The following POLH variants were observed in gnomAD, a reference collection of about 807,000 sequenced individuals.
POLH encodes DNA polymerase eta transcript.
POLH carries 53 observed loss-of-function variants against 73.6 expected under a neutral mutation model. The observed-to-expected ratio is 0.72, with a 90% CI of 0.58 to 0.91. The LOEUF (loss-of-function observed/expected upper bound fraction) is 0.91. Ranked by LOEUF, POLH falls within the 40% of genes least tolerant of loss-of-function variation. POLH has a pLI of 0.00. For missense variants in POLH, 768 were observed against 865.4 expected (o/e 0.89, Z 1.41); for synonymous variants, 292 against 308.5 (o/e 0.95, Z 0.56).
At chr6:43,578,637 T>C (rs1763668074) in intron 1 of POLH, among the ~76,000 whole-genome samples, 2 of 152,176 alleles carry the variant, frequency 1.3e-5, no homozygotes, top group Admixed American at 6.5e-5. Flanking sequence ...ATTTTTAAAT[T>C]TTGGTAATTG....
Position 43,615,618 on chromosome 6 carries a change from G to C in POLH, c.*1061G>C, listed in dbSNP as rs1225663776. ...CAGAAAAGGGACCAAGTTTAAAAAAGGGTTTTAAATGTAATGAGACTTGCA... is the reference window on the plus strand; with the variant it reads ...CAGAAAAGGGACCAAGTTTAAAAAACGGTTTTAAATGTAATGAGACTTGCA... On this transcript the variant is annotated 3_prime_UTR_variant, in exon 11 of 11. Coordinates refer to ENST00000372236, the MANE Select transcript of POLH (RefSeq NM_006502.3). 1 of 150,484 alleles carries C rather than the reference G, an allele frequency of 6.6e-6. No homozygotes were observed. The highest frequency in any genetic ancestry group is 1.9e-4 in the East Asian group (1 of 5,166). 9.3% of individuals were successfully genotyped at this position (150,484 alleles called of 1,614,324 possible).
chr6:43,597,800 G>A lies in POLH; in HGVS notation c.595G>A (p.Glu199Lys), dbSNP rs772090914. 1 of 1,613,944 alleles carries A rather than the reference G, an allele frequency of 6.2e-7. No homozygotes were observed. Among genetic ancestry groups the A allele is most frequent in the Non-Finnish European group, 8.5e-7 (1 of 1,179,824 alleles). Residue 199 changes from glutamate (E) to lysine (K), a missense_variant, in exon 5 of 11, where the codon GAA becomes AAA. Coordinates refer to ENST00000372236, the MANE Select transcript of POLH (RefSeq NM_006502.3). ...QLTVGAVIVEEMRAAIERETG... is the reference protein window; with the variant it reads ...QLTVGAVIVEKMRAAIERETG... Reference sequence around the variant, plus strand: ...CACCGTGGGAGCAGTGATTGTGGAGGAAATGAGAGCAGCCATAGAGAGGGA... The same window carrying A: ...CACCGTGGGAGCAGTGATTGTGGAGAAAATGAGAGCAGCCATAGAGAGGGA...
At chr6:43,593,364 T>C (rs971759966) in intron 4 of POLH, among the ~76,000 whole-genome samples, 1 of 152,160 alleles carries the variant, frequency 6.6e-6, no homozygotes, top group Non-Finnish European at 1.5e-5. Context: ...ATGCAAAGAA[T>C]GTGGAGTAGC....
intron 9 of POLH, among the ~76,000 whole-genome samples, chr6:43,608,493 T>G (rs1767534947): frequency 6.6e-6 from 1 of 152,158 alleles, no homozygotes; most frequent in Non-Finnish European, 1.5e-5. Flanking sequence ...TTGTTTCTCA[T>G]CTCTCTCTAA....
intron 6 of POLH, among the ~76,000 whole-genome samples, chr6:43,602,665 G>T (rs1449871825): frequency 6.6e-6 from 1 of 151,914 alleles, no homozygotes; most frequent in African/African-American, 2.4e-5. Flanking sequence ...CTGGGCTAAA[G>T]AATTTTGACT....
chr6:43,605,443 CTTTTT>C (rs540143863), intron 9 of POLH, 124 bp downstream of exon 9: 173 of 295,270 alleles, frequency 5.9e-4, no homozygotes, highest in Middle Eastern at 1.3e-3. Flanking sequence ...CGTTTTCTTT[CTTTTT>C]TTTTTTTTTT....
At chr6:43,611,422 T>C (rs1767868611) in intron 10 of POLH, among the ~76,000 whole-genome samples, 1 of 152,208 alleles carries the variant, frequency 6.6e-6, no homozygotes, top group East Asian at 1.9e-4. Context: ...CCACTGGTAT[T>C]ATACCAAATG....
intron 9 of POLH, among the ~76,000 whole-genome samples, chr6:43,606,383 A>G (rs1391611157): frequency 2.0e-5 from 3 of 150,738 alleles, no homozygotes; most frequent in South Asian, 4.2e-4. Context: ...AATTCTGAGC[A>G]TTGTACATTT....
At position 43,614,311 on chromosome 6, in the gene POLH, A is replaced by G. The variant is rs139476900; in HGVS notation, c.1896A>G (p.Gln632=). Residue 632 remains glutamine (Q), a synonymous_variant, in exon 11 of 11, where the codon CAA becomes CAG. Coordinates refer to ENST00000372236, the MANE Select transcript of POLH (RefSeq NM_006502.3). The stretch of plus-strand genomic sequence containing the variant: ...CAAGTCTTCTAGCTGCTGAGGACCA[A>G]GTGCCCTGTGAGAAGTGTGGCTCCC... The part of the protein sequence containing the change: ...PNPSLLAAED[Q]VPCEKCGSLV... The G allele has an allele frequency of 2.7e-4, 427 of 1,602,872 alleles. 6 individuals are homozygous for G. In the South Asian group the frequency reaches 4.5e-3, roughly 17 times the overall value.
chr6:43,613,840 A>G lies in POLH; in HGVS notation c.1425A>G (p.Lys475=), dbSNP rs768172372. The G allele has an allele frequency of 1.2e-6, 2 of 1,614,244 alleles. No individual in the cohort carries two copies. The highest frequency in any genetic ancestry group is 3.3e-5 in the Admixed American group (2 of 60,024). Residue 475 remains lysine (K), a synonymous_variant, in exon 11 of 11, where the codon AAA becomes AAG. Transcript: ENST00000372236. ...GSGPAVTATK[K]ATTSLESFFQ... ...GCCCAGCGGTGACAGCCACTAAGAA[A>G]GCAACCACGTCTCTGGAATCATTCT...
intron 7 of POLH, 120 bp downstream of exon 7, chr6:43,604,131 A>G (rs915613277): frequency 8.8e-5 from 76 of 861,728 alleles, no homozygotes; most frequent in Non-Finnish European, 1.4e-4. Context: ...TCTTGAGATT[A>G]TTTCACTGGT....
rs1403127289 is a variant in POLH at position 43,583,022 on chromosome 6, T to C, written c.153T>C (p.Ser51=). The part of the protein sequence containing the change: ...SWKGGGIIAV[S]YEARAFGVTR... ...CTAACCTTAGAATAATTGCAGTGAG[T>C]TATGAAGCTCGTGCATTTGGAGTCA... Residue 51 remains serine (S), a synonymous_variant, in exon 3 of 11, where the codon AGT becomes AGC. Coordinates refer to ENST00000372236, the MANE Select transcript of POLH (RefSeq NM_006502.3). The C allele has an allele frequency of 1.9e-6, 3 of 1,613,618 alleles. No homozygotes were observed. The African/African-American group carries it at 4.0e-5, about 22-fold the overall frequency.
rs571128000 is a variant in POLH, at chr6:43,592,481, G to A, written c.490+4992G>A. Among the ~76,000 whole-genome samples, 5 of 147,694 alleles carry A rather than the reference G, an allele frequency of 3.4e-5. No homozygotes were observed. The South Asian group carries it at 6.4e-4, about 19-fold the overall frequency. On this transcript the variant is annotated intron_variant, in intron 4 of 10. Coordinates refer to ENST00000372236, the MANE Select transcript of POLH (RefSeq NM_006502.3). Reference sequence around the variant, plus strand: ...GGCTGGAGTGCAGTGGTGCAATCTCGGCTCACTGCAATCTCCACCTCCCGG... The same window carrying A: ...GGCTGGAGTGCAGTGGTGCAATCTCAGCTCACTGCAATCTCCACCTCCCGG...
At chr6:43,583,416 AT>A (rs1302482839) in intron 3 of POLH, among the ~76,000 whole-genome samples, 2 of 152,214 alleles carry the variant, frequency 1.3e-5, no homozygotes, top group Non-Finnish European at 2.9e-5. Context: ...CTTAATACCA[AT>A]TCCCATGTTC....
chr6:43,597,548 CTT>C, intron 4 of POLH, 146 bp from the exon 5 acceptor site: 1 of 698,588 alleles, frequency 1.4e-6, no homozygotes, highest in East Asian at 2.7e-5. Flanking sequence ...ATTGAGCTCT[CTT>C]ATAATTGGTC....
At chr6:43,576,941 A>T (rs996952274) in intron 1 of POLH, among the ~76,000 whole-genome samples, 2 of 152,262 alleles carry the variant, frequency 1.3e-5, no homozygotes, top group African/African-American at 4.8e-5. Context: ...GGATCACCTG[A>T]GGTCAGGAGT....
rs1161269325 is a variant in POLH, at chr6:43,597,980, A to T, written c.660+115A>T. On this transcript the variant is annotated intron_variant, in intron 5 of 10. Coordinates refer to ENST00000372236, the MANE Select transcript of POLH (RefSeq NM_006502.3). ...AGGCCGGGTGCAGTTTCGCACGCCTATGTGAGTGGATCGCGTGAGCCCAGG... is the reference window on the plus strand; with the variant it reads ...AGGCCGGGTGCAGTTTCGCACGCCTTTGTGAGTGGATCGCGTGAGCCCAGG... 1.0e-5 allele frequency: 9 copies of T among 862,424 alleles called. No individual in the cohort carries two copies. In the South Asian group the frequency reaches 1.2e-4, roughly 12 times the overall value. The allele number at this position is 862,424 out of a possible 1,614,324, so 53.4% of individuals were successfully genotyped here.
chr6:43,590,845 T>A (rs1196847264), intron 4 of POLH: 3 of 147,120 alleles, frequency 2.0e-5, no homozygotes, highest in Non-Finnish European at 4.5e-5. Context: ...ATCACTTGAG[T>A]CCAGGAGGCG....
chr6:43,594,185 A>G (rs1279247344), intron 4 of POLH, among the ~76,000 whole-genome samples: 1 of 152,208 alleles, frequency 6.6e-6, no homozygotes, highest in African/African-American at 2.4e-5. Context: ...AAAAAAATCT[A>G]AAGCAGAGAA....
Sources: gnomAD v4.1 joint callset for allele counts (sites outside exome capture counted in the v4.1 genomes callset) on GRCh38, gnomAD v4.1.1 for gene constraint, MANE v1.5 for transcripts, NCBI Gene and HGNC (gene_info 2026-07-23, HGNC 2026-07-21) for gene names.